The following PARD3 variants were observed in gnomAD, a reference collection of about 807,000 sequenced individuals.
The protein encoded by PARD3 is partitioning defective 3 homolog.
Under a neutral mutation model 155.4 loss-of-function variants are expected in PARD3, and 75 were observed. The ratio of observed to expected loss-of-function variants is 0.48; its 90% CI spans 0.40 to 0.58. PARD3 has a LOEUF of 0.58. Ranked by LOEUF, PARD3 falls within the 20% of genes least tolerant of loss-of-function variation. The pLI, the probability that PARD3 is intolerant of heterozygous loss-of-function variation, is 0.00. For synonymous variants in PARD3, 576 were observed against 610.5 expected (o/e 0.94, Z 0.83); for missense variants, 1,642 against 1,721.7 (o/e 0.95, Z 0.82).
At chr10:34,139,374 A>G (rs1057328508) in intron 22 of PARD3, among the ~76,000 whole-genome samples, 1 of 152,192 alleles carries the variant, frequency 6.6e-6, no homozygotes, top group Non-Finnish European at 1.5e-5. Flanking sequence ...AGTTCCACAA[A>G]TGGAAGAACT....
intron 2 of PARD3, among the ~76,000 whole-genome samples, chr10:34,600,298 T>C (rs1488645299): frequency 6.6e-6 from 1 of 151,904 alleles, no homozygotes; most frequent in African/African-American, 2.4e-5. Flanking sequence ...TGAGCCAAGA[T>C]TGTACCACTG....
At chr10:34,163,392 A>G (rs16935153) in intron 22 of PARD3, among the ~76,000 whole-genome samples, 10,916 of 152,216 alleles carry the variant, frequency 0.072, 1,015 homozygotes, top group East Asian at 0.3. Context: ...CAGAATTTGA[A>G]AAGATGAAGA....
At chr10:34,118,876 A>C (rs1946827398) in intron 24 of PARD3, among the ~76,000 whole-genome samples, 1 of 152,226 alleles carries the variant, frequency 6.6e-6, no homozygotes, top group African/African-American at 2.4e-5. Context: ...TGTTTTGGGA[A>C]GTTTAAAAAG....
rs545690800 is a variant in PARD3, at chr10:34,414,420, T to G, written c.715-12503A>C. ...TCCTAAAGGAACACTCAGTCGGCCTTGCAACTTGGATAGGACTGAGAAGTT... is the reference window on the plus strand; with the variant it reads ...TCCTAAAGGAACACTCAGTCGGCCTGGCAACTTGGATAGGACTGAGAAGTT... On this transcript the variant is annotated intron_variant, in intron 5 of 24. Transcript: ENST00000374788. 7.2e-5 allele frequency among the ~76,000 whole-genome samples: 11 copies of G among 152,266 alleles called. No individual in the cohort carries two copies. The East Asian group carries it at 2.1e-3, about 29-fold the overall frequency.
At chr10:34,241,445 G>A (rs1053480723) in intron 22 of PARD3, among the ~76,000 whole-genome samples, 7 of 152,156 alleles carry the variant, frequency 4.6e-5, no homozygotes, top group South Asian at 2.1e-4. Context: ...CCTCAGCAGC[G>A]GGAGGGCACA....
chr10:34,573,736 AACACACAC>A (rs60211169), intron 2 of PARD3, among the ~76,000 whole-genome samples: 22 of 39,584 alleles, frequency 5.6e-4, no homozygotes, highest in African/African-American at 1.1e-3. Flanking sequence ...AACAAACAAA[AACACACAC>A]ACACACACAC....
At chr10:34,713,799 C>T (rs966480010) in intron 1 of PARD3, among the ~76,000 whole-genome samples, 3 of 151,824 alleles carry the variant, frequency 2.0e-5, no homozygotes, top group Non-Finnish European at 4.4e-5. Context: ...CAAAAACAAC[C>T]CATAAACATA....
chr10:34,721,576 CA>C (rs2094606660), intron 1 of PARD3, among the ~76,000 whole-genome samples: 1 of 152,214 alleles, frequency 6.6e-6, no homozygotes, highest in Admixed American at 6.5e-5. Flanking sequence ...GCTGAGTGAC[CA>C]GGGGGCTCAA....
chr10:34,415,036 A>G (rs1421367111), intron 5 of PARD3, among the ~76,000 whole-genome samples: 1 of 152,186 alleles, frequency 6.6e-6, no homozygotes, highest in Non-Finnish European at 1.5e-5. Context: ...AAATCAATGC[A>G]AGGAACAGAC....
chr10:34,528,387 G>A (rs941994259), intron 2 of PARD3, among the ~76,000 whole-genome samples: 35 of 152,202 alleles, frequency 2.3e-4, no homozygotes, highest in South Asian at 1.2e-3. Context: ...TTTATCCTGC[G>A]GTTTGCCAGG....
intron 2 of PARD3, among the ~76,000 whole-genome samples, chr10:34,543,663 A>T (rs574193023): frequency 2.6e-5 from 4 of 152,286 alleles, no homozygotes; most frequent in Non-Finnish European, 4.4e-5. Flanking sequence ...TGTCAAAAAT[A>T]TTTTTTTAAA....
In PARD3 at chr10:34,145,189, G is replaced by GTATATA. The variant is rs575139416; in HGVS notation, c.3420-13612_3420-13607dup. ...TCAACTCTTCATTGTGTGTGTGTGT[G>GTATATA]TATATATATATATATATATATATAT... On this transcript the variant is annotated intron_variant, in intron 22 of 24. Coordinates refer to ENST00000374788, the MANE Select transcript of PARD3 (RefSeq NM_001184785.2). Among the ~76,000 whole-genome samples, 69 of 49,616 alleles carry GTATATA rather than the reference G, an allele frequency of 1.4e-3. 1 individual carries two copies. Among genetic ancestry groups the GTATATA allele is most frequent in the South Asian group, 4.4e-3 (5 of 1,134 alleles). The allele number at this position is 49,616 out of a possible 152,430, so 32.6% of individuals were successfully genotyped here.
chr10:34,407,434 T>C (rs1254767472), intron 5 of PARD3, among the ~76,000 whole-genome samples: 1 of 152,158 alleles, frequency 6.6e-6, no homozygotes, highest in African/African-American at 2.4e-5. Context: ...TTGACTCACA[T>C]CAGGAAGTTG....
intron 7 of PARD3, among the ~76,000 whole-genome samples, chr10:34,395,555 C>CATGGGGAAGATAATATT (rs1589422140): frequency 9.1e-6 from 1 of 109,320 alleles, no homozygotes; most frequent in South Asian, 2.9e-4. Flanking sequence ...AAAACATCAT[C>CATGGGGAAGATAATATT]GGCCGGGCGC....
At chr10:34,638,289 C>T (rs2092554565) in intron 2 of PARD3, among the ~76,000 whole-genome samples, 1 of 152,130 alleles carries the variant, frequency 6.6e-6, no homozygotes, top group Non-Finnish European at 1.5e-5. Flanking sequence ...AAAAATTAAA[C>T]ATTTTCCCCT....
intron 2 of PARD3, among the ~76,000 whole-genome samples, chr10:34,541,853 C>T (rs1312817217): frequency 6.6e-6 from 1 of 152,056 alleles, no homozygotes; most frequent in African/African-American, 2.4e-5. Context: ...AGAGTCAAAA[C>T]AGCTCATCTT....
intron 2 of PARD3, among the ~76,000 whole-genome samples, chr10:34,666,449 A>G (rs779612439): frequency 7.2e-5 from 11 of 152,080 alleles, no homozygotes; most frequent in Non-Finnish European, 1.5e-4. Context: ...AAGTTAATTC[A>G]GTATTACCAC....
intron 7 of PARD3, among the ~76,000 whole-genome samples, chr10:34,393,166 G>T (rs975105195): frequency 7.3e-6 from 1 of 136,098 alleles, no homozygotes; most frequent in African/African-American, 2.8e-5. Context: ...AAAAAAAAAA[G>T]TGTATATAAA....
intron 20 of PARD3, among the ~76,000 whole-genome samples, chr10:34,294,198 G>A (rs542263459): frequency 3.3e-5 from 5 of 152,182 alleles, no homozygotes; most frequent in East Asian, 1.9e-4. Flanking sequence ...ACAAACACAC[G>A]CACAAGGTAA....
Sources: gnomAD v4.1 joint callset for allele counts (sites outside exome capture counted in the v4.1 genomes callset) on GRCh38, gnomAD v4.1.1 for gene constraint, MANE v1.5 for transcripts, NCBI Gene and HGNC (gene_info 2026-07-23, HGNC 2026-07-21) for gene names.